Variants in TPO observed in about 807,000 individuals in gnomAD.
TPO encodes thyroid peroxidase.
TPO carries 78 observed loss-of-function variants against 96.9 expected under a neutral mutation model. The observed-to-expected ratio is 0.81, with a 90% CI of 0.67 to 0.97. The LOEUF (loss-of-function observed/expected upper bound fraction) is 0.97, where lower values mean the gene tolerates loss of function less well. Ranked by LOEUF, TPO falls within the 50% of genes least tolerant of loss-of-function variation. TPO has a pLI of 0.00. For synonymous variants in TPO, 547 were observed against 538.0 expected (o/e 1.02, Z -0.23); for missense variants, 1,252 against 1,274.8 (o/e 0.98, Z 0.27).
intron 1 of TPO, among the ~76,000 whole-genome samples, chr2:1,398,271 A>G (rs1437451677): frequency 6.6e-6 from 1 of 152,150 alleles, no homozygotes; most frequent in Non-Finnish European, 1.5e-5. Context: ...GCCTCCCTGT[A>G]TCCTGCAGGC....
chr2:1,527,811 A>T (rs1676941793), intron 15 of TPO, among the ~76,000 whole-genome samples: 1 of 109,688 alleles, frequency 9.1e-6, no homozygotes, highest in African/African-American at 3.6e-5. Context: ...CACTGTATGC[A>T]ACCTCCTCAA....
chr2:1,476,953 C>G, intron 7 of TPO, 133 bp from the exon 8 acceptor site: 4 of 1,175,552 alleles, frequency 3.4e-6, no homozygotes, highest in African/African-American at 1.5e-5. Flanking sequence ...ACTGGCTGGA[C>G]TGACCCCTAC....
intron 13 of TPO, among the ~76,000 whole-genome samples, chr2:1,498,406 GT>G (rs748720237): frequency 1.1e-4 from 17 of 152,242 alleles, no homozygotes; most frequent in Non-Finnish European, 2.1e-4. Flanking sequence ...CTGGGGAACG[GT>G]GCCTCGGAAA....
intron 13 of TPO, among the ~76,000 whole-genome samples, chr2:1,499,315 T>G (rs977474325): frequency 6.6e-6 from 1 of 152,190 alleles, no homozygotes; most frequent in African/African-American, 2.4e-5. Flanking sequence ...TCCTTCAGCC[T>G]CCTGTAGACC....
intron 1 of TPO, among the ~76,000 whole-genome samples, chr2:1,397,396 CTGAGTGCCT>C (rs1443609679): frequency 6.6e-6 from 1 of 152,176 alleles, no homozygotes; most frequent in Non-Finnish European, 1.5e-5. Context: ...CCTGAGTGCC[CTGAGTGCCT>C]GCAGATGCCG....
At chr2:1,514,403 C>T (rs1164273080) in intron 14 of TPO, among the ~76,000 whole-genome samples, 1 of 152,236 alleles carries the variant, frequency 6.6e-6, no homozygotes. Context: ...ATTAACCATC[C>T]CAGTCATGTT....
intron 1 of TPO, among the ~76,000 whole-genome samples, chr2:1,379,948 T>C (rs1661782413): frequency 6.6e-6 from 1 of 152,164 alleles, no homozygotes; most frequent in Admixed American, 6.5e-5. Context: ...AAGAGCAGTA[T>C]AGTTCACAGT....
At chr2:1,493,192 G>C (rs562407449) in intron 10 of TPO, among the ~76,000 whole-genome samples, 113 of 137,962 alleles carry the variant, frequency 8.2e-4, no homozygotes, top group Middle Eastern at 3.6e-3. Flanking sequence ...ATATTTGTGT[G>C]TGTGTGTGTG....
At chr2:1,503,909 C>T in intron 13 of TPO, 39 bp from the exon 14 acceptor site, 4 of 1,614,084 alleles carry the variant, frequency 2.5e-6, no homozygotes, top group Non-Finnish European at 3.4e-6. Flanking sequence ...GGGGGTGCAG[C>T]CGCTTCCTCT....
rs1245383635 is a variant in TPO at position 1,542,679 on chromosome 2, C to CTGAT, written c.*207_*210dup. 1 of 1,456,834 alleles carries CTGAT rather than the reference C, an allele frequency of 6.9e-7. No homozygotes were observed. The highest frequency in any genetic ancestry group is 1.4e-5 in the African/African-American group (1 of 71,184). 90.2% of individuals were successfully genotyped at this position (1,456,834 alleles called of 1,614,324 possible). A position where few individuals can be genotyped will look rare whatever the true frequency, so the allele number is the denominator to read the frequency against. ...TCTGGCCTTTTCTTGTAAACATTGC[C>CTGAT]TGATTTGTTCCTTCTGGGGCTTTGC... On this transcript the variant is annotated 3_prime_UTR_variant, in exon 17 of 17. Coordinates refer to ENST00000329066, the MANE Select transcript of TPO (RefSeq NM_001206744.2).
At position 1,517,071 on chromosome 2, in the gene TPO, C is replaced by T. The variant is rs28913015; in HGVS notation, c.2618+89C>T. The T allele has an allele frequency of 1.0e-3, 1,416 of 1,372,374 alleles. 19 individuals are homozygous for T. The African/African-American group carries it at 0.017, about 16-fold the overall frequency. 85.0% of individuals were successfully genotyped at this position (1,372,374 alleles called of 1,614,324 possible). A position where few individuals can be genotyped will look rare whatever the true frequency, so the allele number is the denominator to read the frequency against. ...CTGCAATGAAGCTGCTTTATTTTCC[C>T]GAAGCTAACACAGGTTACTGGTATC... On this transcript the variant is annotated intron_variant, in intron 15 of 16. Transcript: ENST00000329066.
chr2:1,483,810 T>G (rs1156261798), intron 8 of TPO, among the ~76,000 whole-genome samples: 1 of 152,224 alleles, frequency 6.6e-6, no homozygotes, highest in Non-Finnish European at 1.5e-5. Context: ...CGGCTCTCCC[T>G]GGTCTCCCTG....
At position 1,436,392 on chromosome 2, in the gene TPO, T is replaced by C; in HGVS notation, c.482+8T>C. On this transcript the variant is annotated splice_region_variant and intron_variant, in intron 5 of 16. Transcript: ENST00000329066. The stretch of plus-strand genomic sequence containing the variant: ...AGGAGCTTGCAACAACAGGTATTGT[T>C]TGTGGATTTTCTTAATCTTCTCGTG... 1 of 1,614,186 alleles carries C rather than the reference T, an allele frequency of 6.2e-7. No homozygotes were observed. The highest frequency in any genetic ancestry group is 8.5e-7 in the Non-Finnish European group (1 of 1,180,028).
rs1044427263 is a variant in TPO at position 1,484,588 on chromosome 2, C to G, written c.1339-8C>G. ...GGCCTCACTGAGATGCTTTTCCTAT[C>G]TGCACAGATCATCACCCTGAGGGAT... is the stretch of plus-strand genomic sequence containing the variant. On this transcript the variant is annotated splice_polypyrimidine_tract_variant and splice_region_variant and intron_variant, in intron 8 of 16. Transcript: ENST00000329066. 15 of 1,613,982 alleles carry G rather than the reference C, an allele frequency of 9.3e-6. No homozygotes were observed. The African/African-American group carries it at 9.3e-5, about 10-fold the overall frequency.
intron 2 of TPO, among the ~76,000 whole-genome samples, chr2:1,418,958 G>A (rs1201811611): frequency 2.6e-5 from 4 of 152,214 alleles, no homozygotes; most frequent in Non-Finnish European, 5.9e-5. Flanking sequence ...CTCTGGCCCT[G>A]GGGGCTTATG....
At chr2:1,435,297 A>G (rs1665455329) in intron 4 of TPO, among the ~76,000 whole-genome samples, 1 of 152,200 alleles carries the variant, frequency 6.6e-6, no homozygotes, top group Admixed American at 6.5e-5. Context: ...CATTCCTGTC[A>G]AGAAGAATCT....
intron 2 of TPO, among the ~76,000 whole-genome samples, chr2:1,422,091 C>T (rs1352246657): frequency 6.6e-6 from 1 of 152,232 alleles, no homozygotes; most frequent in Non-Finnish European, 1.5e-5. Flanking sequence ...AGTGCTTAAC[C>T]ACTGGTTACT....
At chr2:1,499,963 A>G (rs975747283) in intron 13 of TPO, among the ~76,000 whole-genome samples, 1 of 152,246 alleles carries the variant, frequency 6.6e-6, no homozygotes, top group African/African-American at 2.4e-5. Flanking sequence ...GTTGATATTA[A>G]CACTGTGAGT....
At chr2:1,491,498 A>G (rs1051854897) in intron 10 of TPO, among the ~76,000 whole-genome samples, 1 of 152,248 alleles carries the variant, frequency 6.6e-6, no homozygotes, top group African/African-American at 2.4e-5. Flanking sequence ...AAACAGTTTG[A>G]CAATGGTCTA....
Sources: gnomAD v4.1 joint callset for allele counts (sites outside exome capture counted in the v4.1 genomes callset) on GRCh38, gnomAD v4.1.1 for gene constraint, MANE v1.5 for transcripts, NCBI Gene and HGNC (gene_info 2026-07-23, HGNC 2026-07-21) for gene names.